Variants in CA5A observed in about 807,000 individuals in gnomAD.
The protein encoded by CA5A is carbonic anhydrase 5A.
In CA5A, 28 loss-of-function variants were observed where a neutral mutation model predicts 37.1. That is an observed-to-expected ratio of 0.75 (90% CI 0.56 to 1.03). CA5A has a LOEUF of 1.03. Ranked by LOEUF, CA5A falls within the 50% of genes least tolerant of loss-of-function variation. The pLI is 0.00. For missense variants in CA5A, 444 were observed against 399.9 expected, an observed-to-expected ratio of 1.11 and a Z score of -0.94; for synonymous variants, 171 against 158.4, an observed-to-expected ratio of 1.08 and a Z score of -0.60.
At position 87,911,137 on chromosome 16, in the gene CA5A, G is replaced by A. The variant is rs955267424; in HGVS notation, c.341-6233C>T. ...AAAAAAAAAGGCAAGCCCAATTCAC[G>A]AAAAGGGGTCTTTAAGCTGCCAGCC... On this transcript the variant is annotated intron_variant, in intron 2 of 6. Transcript: ENST00000649794. This position sits in a 1 kb window ranked among gnomAD's most constrained non-coding sequence, Gnocchi z 4.6. 3.5e-5 allele frequency among the ~76,000 whole-genome samples: 5 copies of A among 143,562 alleles called. No homozygotes were observed. The East Asian group carries it at 6.0e-4, about 17-fold the overall frequency. The allele number at this position is 143,562 out of a possible 152,430, so 94.2% of individuals were successfully genotyped here.
At chr16:87,924,214 T>C in intron 2 of CA5A, 1 of 985,414 alleles carries the variant, frequency 1.0e-6, no homozygotes, top group Non-Finnish European at 1.2e-6. Context: ...TGGCTGGAGT[T>C]GGGGTTACTG....
At chr16:87,914,913 C>T (rs995473766) in intron 2 of CA5A, among the ~76,000 whole-genome samples, 17 of 152,350 alleles carry the variant, frequency 1.1e-4, no homozygotes, top group African/African-American at 2.2e-4. Flanking sequence ...GATGAAACCT[C>T]GGCCTCCCGT....
chr16:87,936,120 T>C (rs2144116849), intron 1 of CA5A, among the ~76,000 whole-genome samples, 189 bp downstream of exon 1: 1 of 144,136 alleles, frequency 6.9e-6, no homozygotes, highest in African/African-American at 2.6e-5. Context: ...TGTGGTGAGC[T>C]GAGATCACGC....
chr16:87,916,283 C>A (rs2056142486), intron 2 of CA5A, among the ~76,000 whole-genome samples: 1 of 152,106 alleles, frequency 6.6e-6, no homozygotes, highest in African/African-American at 2.4e-5. Context: ...GAGTTCGAGA[C>A]CAGCCTGGCC....
intron 2 of CA5A, among the ~76,000 whole-genome samples, chr16:87,912,184 G>C (rs1055888346): frequency 1.3e-5 from 2 of 152,074 alleles, no homozygotes; most frequent in South Asian, 4.1e-4. Context: ...CGACTGTAGT[G>C]CCAGCTACTT....
chr16:87,907,995 A>T (rs149411735), intron 2 of CA5A, among the ~76,000 whole-genome samples: 3,619 of 152,346 alleles, frequency 0.024, 42 homozygotes, highest in African/African-American at 0.036. Flanking sequence ...AACAGGACTT[A>T]GTGCAGGAAG....
intron 2 of CA5A, among the ~76,000 whole-genome samples, chr16:87,909,553 G>A (rs188676268): frequency 6.6e-6 from 1 of 152,222 alleles, no homozygotes; most frequent in Non-Finnish European, 1.5e-5. Flanking sequence ...GTGGCAGTTC[G>A]GTGAAGAGCA....
chr16:87,888,670 G>C (rs1222782919), intron 6 of CA5A, among the ~76,000 whole-genome samples: 1 of 152,132 alleles, frequency 6.6e-6, no homozygotes, highest in Non-Finnish European at 1.5e-5. Context: ...CTGACACTGG[G>C]CTACAATTCA....
intron 2 of CA5A, among the ~76,000 whole-genome samples, chr16:87,925,120 G>A (rs558966685): frequency 9.2e-5 from 14 of 152,318 alleles, no homozygotes; most frequent in South Asian, 6.2e-4. Context: ...CCCCAGGCAC[G>A]TGGGACGCAC....
intron 2 of CA5A, among the ~76,000 whole-genome samples, chr16:87,917,850 CAT>C (rs774848109): frequency 2.7e-5 from 4 of 148,854 alleles, no homozygotes; most frequent in Non-Finnish European, 6.0e-5. Flanking sequence ...CGTGCACACA[CAT>C]GTAGTCGCTT....
chr16:87,924,062 C>T, intron 2 of CA5A: 2 of 985,456 alleles, frequency 2.0e-6, no homozygotes, highest in Non-Finnish European at 2.4e-6. Context: ...CCATTGGCAA[C>T]TGAATAAATG....
chr16:87,916,529 C>T (rs762248286), intron 2 of CA5A, among the ~76,000 whole-genome samples: 8 of 152,262 alleles, frequency 5.3e-5, no homozygotes, highest in Middle Eastern at 3.4e-3. Context: ...GTGGAGTCAC[C>T]GCTGGCCTAT....
intron 2 of CA5A, among the ~76,000 whole-genome samples, chr16:87,915,689 CAAAA>C (rs10593708): frequency 1.2e-5 from 1 of 83,618 alleles, no homozygotes; most frequent in African/African-American, 4.1e-5. Context: ...ATCCTGTCTC[CAAAA>C]AAAAAAAAAA....
At chr16:87,896,518 A>C (rs988160310) in intron 5 of CA5A, among the ~76,000 whole-genome samples, 1 of 152,248 alleles carries the variant, frequency 6.6e-6, no homozygotes. Flanking sequence ...ACCGGTGAGC[A>C]CACCAATGAG....
chr16:87,898,600 T>C (rs2055834434), intron 5 of CA5A, among the ~76,000 whole-genome samples: 1 of 152,318 alleles, frequency 6.6e-6, no homozygotes, highest in African/African-American at 2.4e-5. Context: ...CAGCAGCCTG[T>C]GCCTTCCACA....
Position 87,893,055 on chromosome 16 carries a change from G to C in CA5A, c.619-1101C>G, listed in dbSNP as rs1187652962. The C allele has an allele frequency of 3.4e-6, 4 of 1,169,734 alleles. No homozygotes were observed. The East Asian group carries it at 7.5e-5, about 22-fold the overall frequency. The allele number at this position is 1,169,734 out of a possible 1,614,324, so 72.5% of individuals were successfully genotyped here. A position where few individuals can be genotyped will look rare whatever the true frequency, so the allele number is the denominator to read the frequency against. ...TGTGCCCAACCTTCATGTCACGAAG[G>C]CCATGCAGTCTCTCAAGCCCCGAGG... On this transcript the variant is annotated intron_variant, in intron 5 of 6. Transcript: ENST00000649794.
intron 2 of CA5A, among the ~76,000 whole-genome samples, chr16:87,916,884 C>T (rs1000643225): frequency 5.9e-5 from 9 of 151,896 alleles, no homozygotes; most frequent in Non-Finnish European, 1.0e-4. Flanking sequence ...AGGAGGATCA[C>T]GAGGTCAGGA....
At chr16:87,927,970 C>T (rs548539844) in intron 1 of CA5A, among the ~76,000 whole-genome samples, 54 of 151,956 alleles carry the variant, frequency 3.6e-4, no homozygotes, top group African/African-American at 1.2e-3. Flanking sequence ...TAACCTCATG[C>T]TAAGAGAAAG....
At chr16:87,892,943 G>A (rs917752375) in intron 5 of CA5A, 30 of 823,386 alleles carry the variant, frequency 3.6e-5, no homozygotes, top group Middle Eastern at 3.6e-4. Flanking sequence ...CACTGTGCCC[G>A]GCCTATGGGC....
Sources: allele counts gnomAD v4.1 joint callset (sites outside exome capture counted in the v4.1 genomes callset), GRCh38; gene constraint gnomAD v4.1.1; non-coding constraint Gnocchi (gnomAD v3.1); transcripts MANE v1.5; gene names NCBI Gene and HGNC (gene_info 2026-07-23, HGNC 2026-07-21).